THSD7A: variants seen among roughly 807,000 people sequenced by gnomAD.
THSD7A encodes the protein thrombospondin type-1 domain-containing protein 7A.
THSD7A carries 96 observed loss-of-function variants against 231.3 expected under a neutral mutation model. The observed-to-expected ratio is 0.41, with a 90% CI of 0.35 to 0.49. The LOEUF is 0.49. THSD7A is among the 20% of genes least tolerant of loss of function. THSD7A has a pLI of 0.05. For missense variants in THSD7A, 2,290 were observed against 2,070.2 expected, an observed-to-expected ratio of 1.11 and a Z score of -2.06; for synonymous variants, 940 against 743.3, an observed-to-expected ratio of 1.26 and a Z score of -4.30.
At chr7:11,489,562 T>C (rs745802546) in intron 6 of THSD7A, among the ~76,000 whole-genome samples, 11 of 152,100 alleles carry the variant, frequency 7.2e-5, no homozygotes, top group Admixed American at 4.6e-4. Flanking sequence ...TCCCAGTCTC[T>C]GTAGGAGGGC....
rs894536902 is a variant in THSD7A at position 11,590,900 on chromosome 7, G to T, written c.1272-259C>A. The stretch of plus-strand genomic sequence containing the variant: ...TTACTTATAAATATTTTATGAAAAG[G>T]GAGCACAATGCTGAAAACATGAAAT... On this transcript the variant is annotated intron_variant, in intron 3 of 27. Transcript: ENST00000423059. The surrounding 1 kb of genome is among the most constrained non-coding windows in gnomAD (Gnocchi z 4.4). Among the ~76,000 whole-genome samples the T allele has an allele frequency of 1.2e-4, 19 of 152,054 alleles. No individual in the cohort carries two copies. Among genetic ancestry groups the T allele is most frequent in the Admixed American group, 1.1e-3 (17 of 15,260 alleles).
intron 6 of THSD7A, among the ~76,000 whole-genome samples, chr7:11,527,177 G>T (rs185355620): frequency 1.8e-3 from 271 of 152,138 alleles, no homozygotes; most frequent in African/African-American, 6.2e-3. Context: ...TCTCCATATA[G>T]ATTTCTTATT....
chr7:11,656,863 G>A (rs760898315), intron 1 of THSD7A, among the ~76,000 whole-genome samples: 4 of 151,752 alleles, frequency 2.6e-5, no homozygotes, highest in Admixed American at 1.3e-4. Flanking sequence ...AAATCAAATT[G>A]TTTTTAATAT....
At chr7:11,478,906 A>C (rs2128303944) in intron 7 of THSD7A, among the ~76,000 whole-genome samples, 1 of 152,268 alleles carries the variant, frequency 6.6e-6, no homozygotes, top group South Asian at 2.1e-4. Context: ...TTCGCCTTGA[A>C]GTTAGGCATA....
rs561161788 is a variant in THSD7A, at chr7:11,556,257, T to C, written c.1454-13140A>G. On this transcript the variant is annotated intron_variant, in intron 4 of 27. Transcript: ENST00000423059. Reference sequence around the variant, plus strand: ...TTAGTGTTTGCTGTAGATATTACATTACATATATATGTCATATATATGGGT... The same window carrying C: ...TTAGTGTTTGCTGTAGATATTACATCACATATATATGTCATATATATGGGT... Among the ~76,000 whole-genome samples, 75 of 151,578 alleles carry C rather than the reference T, an allele frequency of 4.9e-4. 3 individuals are homozygous for C. The highest frequency in any genetic ancestry group is 2.6e-3 in the Admixed American group (39 of 15,170).
chr7:11,745,542 T>C (rs978666824), intron 1 of THSD7A, among the ~76,000 whole-genome samples: 1 of 152,100 alleles, frequency 6.6e-6, no homozygotes, highest in Non-Finnish European at 1.5e-5. Context: ...TGAATGGTAT[T>C]GCCTAGGTTT....
intron 1 of THSD7A, among the ~76,000 whole-genome samples, chr7:11,729,921 G>GA (rs890590207): frequency 1.3e-5 from 2 of 151,354 alleles, no homozygotes; most frequent in East Asian, 2.0e-4. Flanking sequence ...TTAAAGTTCA[G>GA]AAAAAAAAGT....
chr7:11,378,590 G>A (rs966114476), intron 26 of THSD7A: 1 of 159,896 alleles, frequency 6.3e-6, no homozygotes, highest in African/African-American at 2.4e-5. Context: ...TGACTTTTAG[G>A]GCTAATAGAA....
chr7:11,728,924 T>A (rs1781633548), intron 1 of THSD7A, among the ~76,000 whole-genome samples: 1 of 151,856 alleles, frequency 6.6e-6, no homozygotes, highest in African/African-American at 2.4e-5. Context: ...CTTATCACTT[T>A]ACAGAAATTT....
chr7:11,574,865 G>T (rs920759700), intron 4 of THSD7A, among the ~76,000 whole-genome samples: 1 of 152,080 alleles, frequency 6.6e-6, no homozygotes, highest in Non-Finnish European at 1.5e-5. Context: ...ACCAATAATC[G>T]TTTAGAGGTG....
intron 4 of THSD7A, among the ~76,000 whole-genome samples, chr7:11,566,975 A>T (rs1202564163): frequency 1.3e-5 from 1 of 76,052 alleles, no homozygotes; most frequent in South Asian, 4.9e-4. Context: ...TGGGGGGGGG[A>T]CTGACCAACA....
chr7:11,537,846 G>A (rs1562696691), intron 6 of THSD7A, among the ~76,000 whole-genome samples: 1 of 152,084 alleles, frequency 6.6e-6, no homozygotes, highest in East Asian at 1.9e-4. Flanking sequence ...TTGCTTTTAG[G>A]GCTTACCTCA....
At chr7:11,754,423 G>T (rs117718396) in intron 1 of THSD7A, among the ~76,000 whole-genome samples, 13 of 152,024 alleles carry the variant, frequency 8.6e-5, no homozygotes, top group Non-Finnish European at 1.9e-4. Flanking sequence ...AGATTAAAGG[G>T]AAGGAAGCAG....
intron 13 of THSD7A, among the ~76,000 whole-genome samples, chr7:11,430,592 C>A (rs1322422037): frequency 6.6e-6 from 1 of 152,046 alleles, no homozygotes; most frequent in East Asian, 1.9e-4. Flanking sequence ...TCTTAAGTAG[C>A]TGAGCTGGGA....
intron 13 of THSD7A, among the ~76,000 whole-genome samples, chr7:11,438,935 T>A (rs1016200927): frequency 1.3e-5 from 2 of 152,040 alleles, no homozygotes; most frequent in African/African-American, 2.4e-5. Context: ...TTGACAGATA[T>A]ATTTTAATAT....
intron 11 of THSD7A, among the ~76,000 whole-genome samples, chr7:11,452,206 A>T (rs1432725112): frequency 6.6e-6 from 1 of 152,070 alleles, no homozygotes; most frequent in Non-Finnish European, 1.5e-5. Context: ...TTTATGAAAA[A>T]AATGGCAATA....
intron 4 of THSD7A, among the ~76,000 whole-genome samples, chr7:11,587,080 G>A (rs970866457): frequency 1.3e-5 from 2 of 152,066 alleles, no homozygotes; most frequent in African/African-American, 2.4e-5. Context: ...TGTACTAAAT[G>A]GAAGAATTTC....
At chr7:11,380,385 T>G (rs73299332) in intron 24 of THSD7A, among the ~76,000 whole-genome samples, 11 of 152,258 alleles carry the variant, frequency 7.2e-5, no homozygotes, top group African/African-American at 2.6e-4. Flanking sequence ...TAAAAAACAT[T>G]GGTGACGTGA....
intron 6 of THSD7A, among the ~76,000 whole-genome samples, chr7:11,495,535 G>T (rs750223778): frequency 9.9e-5 from 15 of 152,204 alleles, no homozygotes; most frequent in Non-Finnish European, 2.1e-4. Flanking sequence ...CAGTTTCAAA[G>T]AAGATAACAT....
Sources: gnomAD v4.1 joint callset for allele counts (sites outside exome capture counted in the v4.1 genomes callset) on GRCh38, gnomAD v4.1.1 for gene constraint, Gnocchi (gnomAD v3.1) non-coding constraint, MANE v1.5 for transcripts, NCBI Gene and HGNC (gene_info 2026-07-23, HGNC 2026-07-21) for gene names.